PLGLB2: variants seen among roughly 807,000 people sequenced by gnomAD.
PLGLB2 encodes plasminogen like B2, also known as plasminogen-like protein B.
intron 1 of PLGLB2, among the ~76,000 whole-genome samples, chr2:87,750,876 C>T (rs1245385106): frequency 7.4e-6 from 1 of 134,498 alleles, no homozygotes; most frequent in African/African-American, 2.7e-5. Context: ...CTGCCGCCTC[C>T]ACTGCTCTCC....
chr2:87,751,353 T>TTGTGTGTCTCCCCAGTTAGTAG (rs1684641972), intron 1 of PLGLB2: 1 of 145,876 alleles, frequency 6.9e-6, no homozygotes, highest in African/African-American at 2.5e-5. Flanking sequence ...GTTAGTAGTG[T>TTGTGTGTCTCCCCAGTTAGTAG]TGTGTGACTG....
intron 1 of PLGLB2, chr2:87,751,451 A>G (rs565399232): frequency 1.3e-5 from 2 of 150,752 alleles, no homozygotes; most frequent in African/African-American, 2.4e-5. Flanking sequence ...AGTTGGCAAC[A>G]TAATTTAGTT....
At chr2:87,750,210 A>C (rs1030523202) in intron 1 of PLGLB2, among the ~76,000 whole-genome samples, 1 of 152,272 alleles carries the variant, frequency 6.6e-6, no homozygotes, top group African/African-American at 2.4e-5. Context: ...ATAACATGAC[A>C]CAGAGAACTT....
chr2:87,754,756 CA>C (rs1208538061), intron 3 of PLGLB2, among the ~76,000 whole-genome samples: 2 of 148,400 alleles, frequency 1.3e-5, no homozygotes, highest in African/African-American at 4.9e-5. Flanking sequence ...AAAAAAAAAA[CA>C]AAAAACCCTG....
Position 87,759,059 on chromosome 2 carries a change from C to A in PLGLB2, c.*2241C>A, listed in dbSNP as rs1385513446. Among the ~76,000 whole-genome samples, 2 of 143,074 alleles carry A rather than the reference C, an allele frequency of 1.4e-5. No homozygotes were observed. Among genetic ancestry groups the A allele is most frequent in the African/African-American group, 5.0e-5 (2 of 39,854 alleles). The allele number at this position is 143,074 out of a possible 152,430, so 93.9% of individuals were successfully genotyped here. On this transcript the variant is annotated 3_prime_UTR_variant, in exon 4 of 4. Coordinates refer to ENST00000359481, the MANE Select transcript of PLGLB2 (RefSeq NM_002665.4). Reference sequence around the variant, plus strand: ...GAGACAGAATTTTGCTCTCATTGCCCAGGCTAGAGTGCAATGGTGCGATCT... The same window carrying A: ...GAGACAGAATTTTGCTCTCATTGCCAAGGCTAGAGTGCAATGGTGCGATCT...
rs1229230562 is a variant in PLGLB2, at chr2:87,758,236, CCACT to C, written c.*1421_*1424del. On this transcript the variant is annotated 3_prime_UTR_variant, in exon 4 of 4. Transcript: ENST00000359481. ...TTTTGTTTTGTTTTGTTTTACGTTGCCACTCAGTCTTCTCATCTGTAAAACAGGG... is the reference window on the plus strand; with the variant it reads ...TTTTGTTTTGTTTTGTTTTACGTTGCCAGTCTTCTCATCTGTAAAACAGGG... Among the ~76,000 whole-genome samples, 1 of 148,780 alleles carries C rather than the reference CCACT, an allele frequency of 6.7e-6. No homozygotes were observed. The highest frequency in any genetic ancestry group is 1.5e-5 in the Non-Finnish European group (1 of 66,898).
At chr2:87,750,252 T>A (rs1684624574) in intron 1 of PLGLB2, among the ~76,000 whole-genome samples, 1 of 152,118 alleles carries the variant, frequency 6.6e-6, no homozygotes, top group Non-Finnish European at 1.5e-5. Flanking sequence ...GAAGTTTTCT[T>A]TTTTTGAATA....
intron 1 of PLGLB2, among the ~76,000 whole-genome samples, chr2:87,749,117 CTTTT>C (rs1011684573): frequency 6.7e-6 from 1 of 149,922 alleles, no homozygotes; most frequent in Non-Finnish European, 1.5e-5. Context: ...AGTTCTTTTT[CTTTT>C]TCTTTTTTTA....
intron 3 of PLGLB2, chr2:87,756,481 T>C (rs1983317): frequency 0.27 from 71,871 of 267,196 alleles, 335 homozygotes; most frequent in East Asian, 0.39. Context: ...TCATTTTATA[T>C]TGTTTACTTG....
In PLGLB2 at chr2:87,758,214, T is replaced by C; in HGVS notation, c.*1396T>C. On this transcript the variant is annotated 3_prime_UTR_variant, in exon 4 of 4. Transcript: ENST00000359481. The stretch of plus-strand genomic sequence containing the variant: ...TAGCTATTTATGCTTAGGCAAGTTT[T>C]GTTTTGTTTTGTTTTACGTTGCCAC... Among the ~76,000 whole-genome samples, 1 of 127,402 alleles carries C rather than the reference T, an allele frequency of 7.8e-6. No individual in the cohort carries two copies. The highest frequency in any genetic ancestry group is 1.7e-5 in the Non-Finnish European group (1 of 58,452). 83.6% of individuals were successfully genotyped at this position (127,402 alleles called of 152,430 possible). A position where few individuals can be genotyped will look rare whatever the true frequency, so the allele number is the denominator to read the frequency against.
rs1244453137 is a variant in PLGLB2, at chr2:87,759,139, C to G, written c.*2321C>G. Among the ~76,000 whole-genome samples the G allele has an allele frequency of 9.5e-6, 1 of 104,740 alleles. No homozygotes were observed. Among genetic ancestry groups the G allele is most frequent in the Non-Finnish European group, 2.1e-5 (1 of 47,330 alleles). 68.7% of individuals were successfully genotyped at this position (104,740 alleles called of 152,430 possible). On this transcript the variant is annotated 3_prime_UTR_variant, in exon 4 of 4. Coordinates refer to ENST00000359481, the MANE Select transcript of PLGLB2 (RefSeq NM_002665.4). Reference sequence around the variant, plus strand: ...CAAGCGATTCTCCTACCTCAGCCTCCCAAGTAGCTGGAATTACATGCATGT... The same window carrying G: ...CAAGCGATTCTCCTACCTCAGCCTCGCAAGTAGCTGGAATTACATGCATGT...
Position 87,758,188 on chromosome 2 carries a change from A to G in PLGLB2, c.*1370A>G, listed in dbSNP as rs1288060203. ...CTTTGAATTCTTGATCTGCTTCTTC[A>G]TAGCTATTTATGCTTAGGCAAGTTT... On this transcript the variant is annotated 3_prime_UTR_variant, in exon 4 of 4. Coordinates refer to ENST00000359481, the MANE Select transcript of PLGLB2 (RefSeq NM_002665.4). Among the ~76,000 whole-genome samples the G allele has an allele frequency of 6.6e-6, 1 of 151,522 alleles. No individual in the cohort carries two copies. Among genetic ancestry groups the G allele is most frequent in the Non-Finnish European group, 1.5e-5 (1 of 67,834 alleles).
At chr2:87,749,010 C>G (rs1684601001) in intron 1 of PLGLB2, among the ~76,000 whole-genome samples, 1 of 130,818 alleles carries the variant, frequency 7.6e-6, no homozygotes, top group Admixed American at 7.4e-5. Context: ...ATAAAGAAAA[C>G]TGGATTTAAG....
intron 3 of PLGLB2, among the ~76,000 whole-genome samples, chr2:87,754,840 T>C (rs1231627857): frequency 2.1e-5 from 3 of 146,256 alleles, no homozygotes; most frequent in South Asian, 2.2e-4. Context: ...AGAAGGAACA[T>C]GGGAATGACT....
At chr2:87,756,489 T>G in intron 3 of PLGLB2, 1 of 288,624 alleles carries the variant, frequency 3.5e-6, no homozygotes, top group Non-Finnish European at 6.7e-6. Context: ...TATTGTTTAC[T>G]TGAATATTTC....
intron 1 of PLGLB2, among the ~76,000 whole-genome samples, chr2:87,750,569 G>A (rs544136322): frequency 1.3e-5 from 2 of 151,554 alleles, no homozygotes; most frequent in South Asian, 2.1e-4. Context: ...CATTTTTCCA[G>A]CCCGGAATGT....
intron 3 of PLGLB2, chr2:87,756,188 G>A (rs1346999054): frequency 3.7e-5 from 2 of 54,150 alleles, no homozygotes; most frequent in Non-Finnish European, 8.0e-5. Context: ...GTGGGCACCG[G>A]ACTGTTTTAA....
At chr2:87,755,097 C>T (rs1684694393) in intron 3 of PLGLB2, among the ~76,000 whole-genome samples, 1 of 136,368 alleles carries the variant, frequency 7.3e-6, no homozygotes, top group Non-Finnish European at 1.6e-5. Context: ...CTGGTTGGGG[C>T]TACTTGTAGC....
At chr2:87,748,821 TACAC>T (rs1684598847) in intron 1 of PLGLB2, among the ~76,000 whole-genome samples, 1 of 90,674 alleles carries the variant, frequency 1.1e-5, no homozygotes, top group African/African-American at 4.5e-5. Flanking sequence ...GCTACATTTT[TACAC>T]ATACATACAT....
Sources: gnomAD v4.1 joint callset for allele counts (sites outside exome capture counted in the v4.1 genomes callset) on GRCh38, gnomAD v4.1.1 for gene constraint, MANE v1.5 for transcripts, NCBI Gene and HGNC (gene_info 2026-07-23, HGNC 2026-07-21) for gene names.